The following HDAC9 variants were observed in gnomAD, a reference collection of about 807,000 sequenced individuals.
HDAC9 encodes histone deacetylase 9.
Under a neutral mutation model 139.4 loss-of-function variants are expected in HDAC9, and 41 were observed. That is an observed-to-expected ratio of 0.29 (90% confidence interval 0.23 to 0.38). The LOEUF (loss-of-function observed/expected upper bound fraction) is 0.38, where lower values mean the gene tolerates loss of function less well. HDAC9 is among the 10% of genes least tolerant of loss of function. The pLI is 1.00. For synonymous variants in HDAC9, 517 were observed against 476.2 expected (o/e 1.09, Z -1.12); for missense variants, 1,147 against 1,297.0 (o/e 0.88, Z 1.78).
intron 6 of HDAC9, among the ~76,000 whole-genome samples, chr7:18,623,380 A>C (rs1406379138): frequency 6.6e-6 from 1 of 152,194 alleles, no homozygotes; most frequent in Non-Finnish European, 1.5e-5. Context: ...CAAACATTAC[A>C]CTAGGCAAAG....
intron 1 of HDAC9, among the ~76,000 whole-genome samples, chr7:18,486,993 T>C (rs1192169598): frequency 2.6e-5 from 4 of 152,074 alleles, no homozygotes; most frequent in Admixed American, 6.6e-5. Flanking sequence ...GAGAGTGTTT[T>C]GGGGGATGAA....
chr7:18,278,160 T>C (rs1203785964), intron 2 of HDAC9, among the ~76,000 whole-genome samples: 1 of 152,168 alleles, frequency 6.6e-6, no homozygotes, highest in African/African-American at 2.4e-5. Flanking sequence ...TTCCGAGCAT[T>C]TAGAAGCCAC....
At chr7:18,447,868 A>G (rs1245982838) in intron 1 of HDAC9, among the ~76,000 whole-genome samples, 1 of 152,176 alleles carries the variant, frequency 6.6e-6, no homozygotes, top group Non-Finnish European at 1.5e-5. Context: ...GTTAAATCAT[A>G]GAGGACCCTG....
intron 2 of HDAC9, among the ~76,000 whole-genome samples, chr7:18,266,815 GTCT>G: frequency 6.6e-6 from 1 of 152,162 alleles, no homozygotes; most frequent in African/African-American, 2.4e-5. Context: ...TAACATCTTA[GTCT>G]TCTTATGAAA....
At chr7:18,273,222 A>G (rs1041668451) in intron 2 of HDAC9, among the ~76,000 whole-genome samples, 2 of 151,582 alleles carry the variant, frequency 1.3e-5, no homozygotes, top group African/African-American at 2.4e-5. Flanking sequence ...ATGCCACACC[A>G]TGCCTGGCTA....
At chr7:18,587,012 AC>A (rs1829665006) in intron 3 of HDAC9, among the ~76,000 whole-genome samples, 1 of 152,142 alleles carries the variant, frequency 6.6e-6, no homozygotes, top group Non-Finnish European at 1.5e-5. Context: ...TACATTTTTC[AC>A]CATACTTTAA....
At chr7:18,910,453 T>A (rs1335948633) in intron 22 of HDAC9, among the ~76,000 whole-genome samples, 2 of 151,968 alleles carry the variant, frequency 1.3e-5, no homozygotes, top group African/African-American at 4.8e-5. Context: ...TTTGATGGAT[T>A]CTTTAGGTCT....
At chr7:18,444,214 C>G (rs1218953671) in intron 1 of HDAC9, among the ~76,000 whole-genome samples, 2 of 151,722 alleles carry the variant, frequency 1.3e-5, no homozygotes, top group African/African-American at 4.8e-5. Flanking sequence ...TGGCGTGTGT[C>G]TGTAGTCCCA....
At chr7:18,985,039 T>C (rs1335858934) in intron 25 of HDAC9, among the ~76,000 whole-genome samples, 2 of 152,150 alleles carry the variant, frequency 1.3e-5, no homozygotes, top group African/African-American at 4.8e-5. Flanking sequence ...TGAGAATATT[T>C]CTGGATCTTT....
chr7:18,151,243 G>C (rs1288065909), intron 1 of HDAC9, among the ~76,000 whole-genome samples: 1 of 152,206 alleles, frequency 6.6e-6, no homozygotes, highest in Non-Finnish European at 1.5e-5. Flanking sequence ...TAGATGTCTT[G>C]TGGATTGAGT....
At chr7:18,702,139 C>A (rs910851501) in intron 12 of HDAC9, among the ~76,000 whole-genome samples, 1 of 152,170 alleles carries the variant, frequency 6.6e-6, no homozygotes, top group African/African-American at 2.4e-5. Context: ...TCTCGCTGAC[C>A]CGTGAAAAGG....
chr7:18,186,502 C>G (rs570412258), intron 2 of HDAC9, among the ~76,000 whole-genome samples: 2 of 152,198 alleles, frequency 1.3e-5, no homozygotes, highest in Admixed American at 6.5e-5. Flanking sequence ...CCATAAGACT[C>G]TGCCCCACTC....
intron 12 of HDAC9, among the ~76,000 whole-genome samples, chr7:18,701,424 A>C (rs1159326354): frequency 6.6e-6 from 1 of 151,988 alleles, no homozygotes; most frequent in Non-Finnish European, 1.5e-5. Context: ...AACAAAAAAA[A>C]AAAACACAAC....
At chr7:18,568,599 G>A (rs1300923627) in intron 2 of HDAC9, among the ~76,000 whole-genome samples, 3 of 152,124 alleles carry the variant, frequency 2.0e-5, no homozygotes, top group Non-Finnish European at 4.4e-5. Flanking sequence ...CTTAGAACTT[G>A]TTTTATATGG....
At chr7:18,671,433 C>G (rs1244811641) in intron 12 of HDAC9, among the ~76,000 whole-genome samples, 1 of 151,874 alleles carries the variant, frequency 6.6e-6, no homozygotes, top group Non-Finnish European at 1.5e-5. Context: ...GGCCAGGTGC[C>G]CTAACCACTT....
intron 23 of HDAC9, among the ~76,000 whole-genome samples, chr7:18,945,570 C>A (rs968562552): frequency 2.6e-5 from 4 of 152,082 alleles, no homozygotes; most frequent in African/African-American, 9.7e-5. Context: ...TTCCCAAAGT[C>A]AAGAAAAGAT....
intron 1 of HDAC9, among the ~76,000 whole-genome samples, chr7:18,130,561 T>C (rs1178372): frequency 0.88 from 134,160 of 152,120 alleles, 59,462 homozygotes; most frequent in African/African-American, 0.97. Flanking sequence ...GCATACAATT[T>C]AGTGGTCGTT....
At chr7:18,468,892 CAA>C (rs1794510395) in intron 1 of HDAC9, among the ~76,000 whole-genome samples, 1 of 152,140 alleles carries the variant, frequency 6.6e-6, no homozygotes, top group African/African-American at 2.4e-5. Context: ...CCAAGAGACA[CAA>C]AAATCAATTT....
intron 1 of HDAC9, chr7:18,458,797 A>AT (rs1793577907): frequency 7.2e-7 from 1 of 1,383,126 alleles, no homozygotes; most frequent in African/African-American, 1.4e-5. Flanking sequence ...TCCAACTCCC[A>AT]TGGAGGGTCC....
Sources: gnomAD v4.1 joint callset for allele counts (sites outside exome capture counted in the v4.1 genomes callset) on GRCh38, gnomAD v4.1.1 for gene constraint, MANE v1.5 for transcripts, NCBI Gene and HGNC (gene_info 2026-07-23, HGNC 2026-07-21) for gene names.